LOC400499: variants seen among roughly 807,000 people sequenced by gnomAD.
the LOC400499 span, chr16:11,412,819 T>C: frequency 2.5e-5 from 10 of 398,972 alleles, no homozygotes; most frequent in East Asian, 1.1e-4. Context: ...CCGACTCCTC[T>C]CCTCCTGGGG....
chr16:11,372,022 C>G, the LOC400499 span: 4 of 152,240 alleles, frequency 2.6e-5, no homozygotes, highest in Admixed American at 1.3e-4. Context: ...TTCTTGGATT[C>G]TGCCAGCTTT....
the LOC400499 span, among the ~76,000 whole-genome samples, chr16:11,481,724 C>A: frequency 1.3e-5 from 2 of 151,950 alleles, no homozygotes; most frequent in African/African-American, 4.8e-5. Context: ...CCCCTGCCTC[C>A]CGGTTTTAAG....
At chr16:11,504,099 T>C in the LOC400499 span, among the ~76,000 whole-genome samples, 3 of 152,192 alleles carry the variant, frequency 2.0e-5, no homozygotes, top group Non-Finnish European at 1.5e-5. Flanking sequence ...CCACAAGTGT[T>C]ACCCTGAGAA....
the LOC400499 span, among the ~76,000 whole-genome samples, chr16:11,481,001 T>C: frequency 2.0e-5 from 3 of 152,242 alleles, no homozygotes; most frequent in Non-Finnish European, 4.4e-5. Context: ...ATCCATACGA[T>C]GAAATATGAC....
chr16:11,460,727 T>C, the LOC400499 span: 6 of 1,387,072 alleles, frequency 4.3e-6, no homozygotes, highest in East Asian at 1.5e-4. Flanking sequence ...CATGCTTTGC[T>C]CCACCTGTCA....
At chr16:11,504,321 C>G in the LOC400499 span, among the ~76,000 whole-genome samples, 4 of 152,060 alleles carry the variant, frequency 2.6e-5, no homozygotes, top group African/African-American at 4.8e-5. Context: ...TTTGGGAGGC[C>G]GAGCCGGGTG....
At chr16:11,468,279 T>G in the LOC400499 span, among the ~76,000 whole-genome samples, 1 of 152,148 alleles carries the variant, frequency 6.6e-6, no homozygotes, top group Non-Finnish European at 1.5e-5. Context: ...TGCAGGAAAT[T>G]TGGGACATGG....
chr16:11,486,272 GGGATGGATGGAT>G, the LOC400499 span, among the ~76,000 whole-genome samples: 6 of 43,952 alleles, frequency 1.4e-4, no homozygotes, highest in African/African-American at 2.9e-4. Context: ...GATGGATGGA[GGGATGGATGGAT>G]GGATGGATGG....
At chr16:11,519,742 G>A in the LOC400499 span, among the ~76,000 whole-genome samples, 1 of 146,050 alleles carries the variant, frequency 6.8e-6, no homozygotes, top group East Asian at 2.0e-4. Context: ...TTTTGCTCTT[G>A]TTTTCCAGGC....
chr16:11,400,553 G>A, the LOC400499 span, among the ~76,000 whole-genome samples: 8 of 151,722 alleles, frequency 5.3e-5, no homozygotes, highest in East Asian at 1.2e-3. Flanking sequence ...CGATCCTCCC[G>A]CCTCAGCCTC....
the LOC400499 span, among the ~76,000 whole-genome samples, chr16:11,390,848 A>G: frequency 4.6e-5 from 7 of 152,276 alleles, no homozygotes; most frequent in South Asian, 2.1e-4. Flanking sequence ...GCAGCCCCCA[A>G]TAAAAACCCT....
At chr16:11,432,582 G>C in the LOC400499 span, among the ~76,000 whole-genome samples, 1 of 152,198 alleles carries the variant, frequency 6.6e-6, no homozygotes, top group African/African-American at 2.4e-5. Flanking sequence ...GTCATAATGA[G>C]TGATTGATAA....
chr16:11,446,987 C>A, the LOC400499 span: 2 of 1,456,916 alleles, frequency 1.4e-6, no homozygotes, highest in Non-Finnish European at 1.8e-6. Context: ...GCCCCACGGT[C>A]TCAGCCTGGG....
chr16:11,513,048 C>T, the LOC400499 span, among the ~76,000 whole-genome samples: 16 of 152,322 alleles, frequency 1.1e-4, no homozygotes, highest in African/African-American at 2.2e-4. Flanking sequence ...TCTCACTCAC[C>T]GTGTGACCTT....
the LOC400499 span, among the ~76,000 whole-genome samples, chr16:11,507,016 AAGAC>A: frequency 1.3e-5 from 2 of 152,136 alleles, no homozygotes; most frequent in African/African-American, 2.4e-5. Context: ...CTGTAAGTAA[AAGAC>A]AGCCGCACAG....
the LOC400499 span, chr16:11,407,435 G>T: frequency 4.0e-3 from 1,592 of 396,008 alleles, 23 homozygotes; most frequent in African/African-American, 0.03. Context: ...TAGGCCGAGG[G>T]CTCTGCCTCC....
the LOC400499 span, among the ~76,000 whole-genome samples, chr16:11,507,931 C>CT: frequency 6.6e-6 from 1 of 151,528 alleles, no homozygotes; most frequent in African/African-American, 2.4e-5. Flanking sequence ...GAGACCCTGT[C>CT]TAAAAAAAAA....
chr16:11,434,139 A>T, the LOC400499 span, among the ~76,000 whole-genome samples: 2 of 152,026 alleles, frequency 1.3e-5, no homozygotes, highest in Non-Finnish European at 2.9e-5. Flanking sequence ...AGCTCTGGAG[A>T]GCTCACCAAG....
the LOC400499 span, chr16:11,461,206 C>T: frequency 6.9e-7 from 1 of 1,440,200 alleles, no homozygotes; most frequent in Non-Finnish European, 9.2e-7. Flanking sequence ...ACTCAGGTAT[C>T]ACCGAGGGGC....
Sources: allele counts gnomAD v4.1 joint callset (sites outside exome capture counted in the v4.1 genomes callset), GRCh38; gene constraint gnomAD v4.1.1; transcripts MANE v1.5.